Variants in XKR6 observed in about 807,000 individuals in gnomAD.
The protein encoded by XKR6 is XK related 6.
In XKR6, 22 loss-of-function variants were observed where a neutral mutation model predicts 56.7. The ratio of observed to expected loss-of-function variants is 0.39; its 90% CI spans 0.28 to 0.55. The LOEUF is 0.55. XKR6 is among the 20% of genes least tolerant of loss of function. The pLI is 0.66. For missense variants in XKR6, 852 were observed against 889.0 expected (o/e 0.96, Z 0.53); for synonymous variants, 524 against 387.8 (o/e 1.35, Z -4.13).
At chr8:10,958,671 G>C (rs1056007375) in intron 1 of XKR6, among the ~76,000 whole-genome samples, 2 of 152,186 alleles carry the variant, frequency 1.3e-5, no homozygotes, top group Non-Finnish European at 1.5e-5. Flanking sequence ...ACTCAGCCTG[G>C]GCCGCCCGCT....
intron 1 of XKR6, among the ~76,000 whole-genome samples, chr8:10,985,646 A>C (rs1477966623): frequency 6.6e-6 from 1 of 152,090 alleles, no homozygotes; most frequent in African/African-American, 2.4e-5. Flanking sequence ...AAAACAACAA[A>C]AACAAACAAA....
chr8:11,132,395 G>A (rs1437220274), intron 1 of XKR6, among the ~76,000 whole-genome samples: 1 of 151,102 alleles, frequency 6.6e-6, no homozygotes, highest in African/African-American at 2.4e-5. Flanking sequence ...ATCTTGCTCT[G>A]TCACCCAGGC....
rs147731693 is a variant in XKR6, at chr8:11,062,673, G to T, written c.765-137843C>A. 1.5e-3 allele frequency: 667 copies of T among 449,278 alleles called. 3 individuals carry two copies. Among genetic ancestry groups the T allele is most frequent in the African/African-American group, 0.012 (595 of 49,680 alleles). 27.8% of individuals were successfully genotyped at this position (449,278 alleles called of 1,614,324 possible). On this transcript the variant is annotated intron_variant, in intron 1 of 2. Transcript: ENST00000416569. ...ATAGTAAACATAATTACTCTTTAATGTGATCTGGTTTTTAGTTAGAGTTTC... is the reference window on the plus strand; with the variant it reads ...ATAGTAAACATAATTACTCTTTAATTTGATCTGGTTTTTAGTTAGAGTTTC...
chr8:10,925,088 T>G (rs1800842096), intron 1 of XKR6, among the ~76,000 whole-genome samples: 1 of 152,080 alleles, frequency 6.6e-6, no homozygotes, highest in Non-Finnish European at 1.5e-5. Context: ...CCTCCTGGTC[T>G]CCCATTTGCT....
chr8:10,896,765 A>T lies in XKR6; in HGVS notation c.*1187T>A, dbSNP rs1308392139. The T allele has an allele frequency of 1.3e-5, 2 of 149,122 alleles. No individual in the cohort carries two copies. Among genetic ancestry groups the T allele is most frequent in the Non-Finnish European group, 3.0e-5 (2 of 67,264 alleles). The allele number at this position is 149,122 out of a possible 1,614,324, so 9.2% of individuals were successfully genotyped here. On this transcript the variant is annotated 3_prime_UTR_variant, in exon 3 of 3. Coordinates refer to ENST00000416569, the MANE Select transcript of XKR6 (RefSeq NM_173683.4). Reference sequence around the variant, plus strand: ...ATATTCTAGTTTTCCTCTTTGTGTTATTTTTTTTTTTAAAAAAGCACAAAT... The same window carrying T: ...ATATTCTAGTTTTCCTCTTTGTGTTTTTTTTTTTTTTAAAAAAGCACAAAT...
chr8:11,039,507 C>T (rs1319908310), intron 1 of XKR6, among the ~76,000 whole-genome samples: 3 of 152,240 alleles, frequency 2.0e-5, no homozygotes, highest in Non-Finnish European at 4.4e-5. Context: ...CTTTTCTCTT[C>T]CGAGATGAGG....
intron 1 of XKR6, among the ~76,000 whole-genome samples, chr8:11,182,420 A>G (rs141255266): frequency 3.9e-5 from 6 of 152,362 alleles, no homozygotes; most frequent in Non-Finnish European, 7.3e-5. Flanking sequence ...GTACCTGGTC[A>G]TGGTCATACT....
rs887271356 is a variant in XKR6 at position 10,911,410 on chromosome 8, A to C, written c.962-12494T>G. On this transcript the variant is annotated intron_variant, in intron 2 of 2. Coordinates refer to ENST00000416569, the MANE Select transcript of XKR6 (RefSeq NM_173683.4). ...AATATGTATATAAATACAGAGAATG[A>C]GATTGTATAAAAATATGTATATATA... Among the ~76,000 whole-genome samples the C allele has an allele frequency of 8.8e-4, 131 of 148,230 alleles. 2 individuals are homozygous for C. The highest frequency in any genetic ancestry group is 7.1e-3 in the Middle Eastern group (2 of 280).
rs1216924185 is a variant in XKR6 at position 11,095,282 on chromosome 8, T to C, written c.764+105294A>G. On this transcript the variant is annotated intron_variant, in intron 1 of 2. Transcript: ENST00000416569. Reference sequence around the variant, plus strand: ...ATCTCAAATGAGATTCTGCTATATATCAAACAGCAATGAATCTTGGTTTTA... The same window carrying C: ...ATCTCAAATGAGATTCTGCTATATACCAAACAGCAATGAATCTTGGTTTTA... Among the ~76,000 whole-genome samples the C allele has an allele frequency of 2.0e-5, 3 of 152,228 alleles. No individual in the cohort carries two copies. The East Asian group carries it at 5.8e-4, about 29-fold the overall frequency.
chr8:11,131,479 T>C (rs944330522), intron 1 of XKR6, among the ~76,000 whole-genome samples: 1 of 152,174 alleles, frequency 6.6e-6, no homozygotes, highest in Non-Finnish European at 1.5e-5. Context: ...TTAAACTTCA[T>C]GATGTAAATA....
At chr8:10,952,516 A>G (rs113195082) in intron 1 of XKR6, among the ~76,000 whole-genome samples, 5 of 152,194 alleles carry the variant, frequency 3.3e-5, no homozygotes, top group Admixed American at 6.6e-5. Context: ...TGCAGGGGCA[A>G]GATCACAGCT....
At chr8:10,967,827 T>G (rs1802272753) in intron 1 of XKR6, among the ~76,000 whole-genome samples, 1 of 152,116 alleles carries the variant, frequency 6.6e-6, no homozygotes, top group Non-Finnish European at 1.5e-5. Flanking sequence ...CCTTAGGTGG[T>G]GGGTGCAGGT....
intron 1 of XKR6, among the ~76,000 whole-genome samples, chr8:11,039,878 G>C (rs1799242114): frequency 6.6e-6 from 1 of 152,230 alleles, no homozygotes; most frequent in African/African-American, 2.4e-5. Context: ...TCTCCAAAGA[G>C]CAAAAGGACA....
At chr8:10,926,435 C>G (rs865818080) in intron 1 of XKR6, among the ~76,000 whole-genome samples, 1 of 152,240 alleles carries the variant, frequency 6.6e-6, no homozygotes, top group African/African-American at 2.4e-5. Flanking sequence ...CCTTTGGGGG[C>G]CTGGATCCTG....
intron 1 of XKR6, among the ~76,000 whole-genome samples, chr8:11,164,095 G>A (rs558349562): frequency 2.6e-5 from 4 of 152,246 alleles, no homozygotes; most frequent in African/African-American, 7.2e-5. Flanking sequence ...ACAGGGCCAG[G>A]CCAGCACTAC....
intron 2 of XKR6, among the ~76,000 whole-genome samples, chr8:10,905,385 C>G: frequency 6.6e-6 from 1 of 152,168 alleles, no homozygotes; most frequent in East Asian, 1.9e-4. Flanking sequence ...TAGCTGTTCC[C>G]CAGTTCTCTT....
At chr8:11,098,225 G>A (rs1487163024) in intron 1 of XKR6, among the ~76,000 whole-genome samples, 3 of 149,384 alleles carry the variant, frequency 2.0e-5, no homozygotes, top group Non-Finnish European at 4.5e-5. Context: ...ACACACACAC[G>A]CACTCACACA....
intron 2 of XKR6, among the ~76,000 whole-genome samples, chr8:10,921,920 G>A (rs772241326): frequency 6.6e-6 from 1 of 152,182 alleles, no homozygotes; most frequent in Admixed American, 6.5e-5. Context: ...TTACGAGGTG[G>A]GACCTTTGAG....
intron 1 of XKR6, among the ~76,000 whole-genome samples, chr8:11,178,057 G>A (rs1160905491): frequency 1.3e-5 from 2 of 152,156 alleles, no homozygotes; most frequent in East Asian, 1.9e-4. Context: ...ACAGAAAGCA[G>A]AGTGCAGGGC....
Sources: gnomAD v4.1 joint callset for allele counts (sites outside exome capture counted in the v4.1 genomes callset) on GRCh38, gnomAD v4.1.1 for gene constraint, MANE v1.5 for transcripts, NCBI Gene and HGNC (gene_info 2026-07-23, HGNC 2026-07-21) for gene names.